TGM2: variants seen among roughly 807,000 people sequenced by gnomAD.
The protein encoded by TGM2 is protein-glutamine gamma-glutamyltransferase 2.
A neutral mutation model predicts 75.6 loss-of-function variants in TGM2; 53 were observed. The observed-to-expected ratio is 0.70, with a 90% CI of 0.56 to 0.88. TGM2 has a LOEUF of 0.88. Ranked by LOEUF, TGM2 falls within the 40% of genes least tolerant of loss-of-function variation. The pLI is 0.00. For synonymous variants in TGM2, 374 were observed against 381.1 expected, an observed-to-expected ratio of 0.98 and a Z score of 0.22; for missense variants, 842 against 928.5, an observed-to-expected ratio of 0.91 and a Z score of 1.21.
At chr20:38,166,202 GTCTAATCAGCCATCCA>G (rs921839525), upstream of TGM2, among the ~76,000 whole-genome samples, 13 of 142,500 alleles carry the variant, frequency 9.1e-5, no homozygotes, top group South Asian at 2.3e-4. Flanking sequence ...CCTTGTATCT[GTCTAATCAGCCATCCA>G]TCTAATCAGC....
chr20:38,141,860 G>A (rs1209246327), intron 7 of TGM2, among the ~76,000 whole-genome samples: 2 of 151,822 alleles, frequency 1.3e-5, no homozygotes, highest in Non-Finnish European at 2.9e-5. Flanking sequence ...CCAGACTCCC[G>A]ACAACATTTG....
chr20:38,148,249 T>A (rs1367206746), intron 4 of TGM2, among the ~76,000 whole-genome samples, 160 bp from the exon 5 acceptor site: 1 of 152,198 alleles, frequency 6.6e-6, no homozygotes, highest in Admixed American at 6.5e-5. Flanking sequence ...GCAGCTTCTC[T>A]TGGCACAGGA....
intron 10 of TGM2, among the ~76,000 whole-genome samples, chr20:38,135,215 C>T (rs1018836945): frequency 2.6e-5 from 4 of 152,188 alleles, no homozygotes; most frequent in African/African-American, 9.6e-5. Flanking sequence ...CTGGCCCAGG[C>T]CTGGAGTTCA....
intron 3 of TGM2, 106 bp from the exon 4 acceptor site, chr20:38,151,163 A>G (rs1405615461): frequency 3.7e-6 from 3 of 801,966 alleles, no homozygotes; most frequent in East Asian, 2.4e-5. Context: ...CCAGCGTCTC[A>G]GGGATCCATC....
At chr20:38,141,807 C>A (rs1423347305) in intron 7 of TGM2, among the ~76,000 whole-genome samples, 1 of 151,498 alleles carries the variant, frequency 6.6e-6, no homozygotes, top group Non-Finnish European at 1.5e-5. Flanking sequence ...GAGTGACAAC[C>A]TATTGCTTTT....
upstream of TGM2, chr20:38,165,431 A>C (rs1440055259): frequency 3.3e-6 from 2 of 603,582 alleles, no homozygotes; most frequent in East Asian, 6.0e-5. Context: ...CGAGGGAGGG[A>C]CGGCGGCCGG....
intron 6 of TGM2, among the ~76,000 whole-genome samples, chr20:38,144,438 CGGCAAACGTCGTCCATCA>C (rs2075019117): frequency 6.6e-6 from 1 of 152,158 alleles, no homozygotes; most frequent in Non-Finnish European, 1.5e-5. Flanking sequence ...GTGCCCGTTA[CGGCAAACGTCGTCCATCA>C]GTGCTGGCTG....
intron 1 of TGM2, among the ~76,000 whole-genome samples, chr20:38,162,826 G>T (rs1449160797): frequency 6.6e-6 from 1 of 152,142 alleles, no homozygotes; most frequent in Admixed American, 6.5e-5. Flanking sequence ...GTCAGTGCTG[G>T]GTGATGAGGA....
At chr20:38,152,373 G>C (rs1374442500) in intron 3 of TGM2, among the ~76,000 whole-genome samples, 1 of 152,186 alleles carries the variant, frequency 6.6e-6, no homozygotes, top group Non-Finnish European at 1.5e-5. Flanking sequence ...TGTGTATTCT[G>C]ATCTTTGGCT....
intron 10 of TGM2, among the ~76,000 whole-genome samples, chr20:38,134,442 T>C (rs1280618081): frequency 6.6e-6 from 1 of 152,122 alleles, no homozygotes; most frequent in African/African-American, 2.4e-5. Flanking sequence ...CTCCGGGGGC[T>C]TGGAGGATGT....
intron 10 of TGM2, among the ~76,000 whole-genome samples, chr20:38,137,565 A>G (rs774925725): frequency 1.3e-5 from 2 of 152,230 alleles, no homozygotes; most frequent in Non-Finnish European, 2.9e-5. Context: ...CATGCTGGAT[A>G]GGCGGTGCAG....
At chr20:38,153,698 C>G (rs144545317) in intron 3 of TGM2, among the ~76,000 whole-genome samples, 7 of 152,082 alleles carry the variant, frequency 4.6e-5, no homozygotes, top group African/African-American at 1.7e-4. Flanking sequence ...AGCAATTTCT[C>G]CAGGCACATA....
In TGM2 at chr20:38,131,181, G is replaced by C; in HGVS notation, c.1825C>G (p.Leu609Val). 6.2e-7 allele frequency: 1 copy of C among 1,613,938 alleles called. No individual in the cohort carries two copies. The highest frequency in any genetic ancestry group is 8.5e-7 in the Non-Finnish European group (1 of 1,180,028). The change falls in exon 12 of 13, where the codon CTG becomes GTG. Residue 609 changes from leucine (L) to valine (V), a missense_variant. Coordinates refer to ENST00000361475, the MANE Select transcript of TGM2 (RefSeq NM_004613.4). ...QKRKLVAEVSLQNPLPVALEG... is the reference protein window; with the variant it reads ...QKRKLVAEVSVQNPLPVALEG... ...AGGGCCACAGGGAGCGGGTTCTGCA[G>C]GGACACCTCAGCCACCAGCTTGCGT...
intron 2 of TGM2, among the ~76,000 whole-genome samples, chr20:38,158,675 G>A (rs1480591705): frequency 6.6e-6 from 1 of 152,216 alleles, no homozygotes; most frequent in East Asian, 1.9e-4. Context: ...AGTCTGTCGG[G>A]TCTCAAACTG....
Position 38,127,413 on chromosome 20 carries a change from T to C in TGM2, c.*2806A>G, listed in dbSNP as rs1024304169. On this transcript the variant is annotated 3_prime_UTR_variant, in exon 13 of 13. Coordinates refer to ENST00000361475, the MANE Select transcript of TGM2 (RefSeq NM_004613.4). ...GATGTCATGTTTTTATTTTGATTTA[T>C]TTTTTATGTGCATGTCATGTCTTTC... 1 of 977,826 alleles carries C rather than the reference T, an allele frequency of 1.0e-6. No individual in the cohort carries two copies. Among genetic ancestry groups the C allele is most frequent in the Non-Finnish European group, 1.2e-6 (1 of 822,988 alleles). 60.6% of individuals were successfully genotyped at this position (977,826 alleles called of 1,614,324 possible).
At chr20:38,135,912 TCAGG>T (rs1420657488) in intron 10 of TGM2, among the ~76,000 whole-genome samples, 1 of 152,122 alleles carries the variant, frequency 6.6e-6, no homozygotes, top group Non-Finnish European at 1.5e-5. Context: ...TGCGGGCGCA[TCAGG>T]CAGGCATGTC....
chr20:38,131,078 G>T lies in TGM2; in HGVS notation c.1913+15C>A, dbSNP rs1438805103. 6.2e-7 allele frequency: 1 copy of T among 1,610,986 alleles called. No homozygotes were observed. Among genetic ancestry groups the T allele is most frequent in the Non-Finnish European group, 8.5e-7 (1 of 1,179,868 alleles). The stretch of plus-strand genomic sequence containing the variant: ...GCTTCCCCCAGGCCCCAAAGCTAGA[G>T]CAGCCAGCACTTACATCTCCACCGT... On this transcript the variant is annotated intron_variant, in intron 12 of 12. Coordinates refer to ENST00000361475, the MANE Select transcript of TGM2 (RefSeq NM_004613.4).
chr20:38,140,751 T>C (rs1369634687), intron 8 of TGM2, among the ~76,000 whole-genome samples: 1 of 152,260 alleles, frequency 6.6e-6, no homozygotes, highest in Non-Finnish European at 1.5e-5. Flanking sequence ...ATTCATTTTT[T>C]AAAACTTGTG....
At position 38,138,258 on chromosome 20, in the gene TGM2, G is replaced by A. The variant is rs2074925124; in HGVS notation, c.1470C>T (p.Asp490=). Residue 490 remains aspartate (D), a synonymous_variant, in exon 10 of 13, where the codon GAC becomes GAT. Transcript: ENST00000361475. ...GQSMNMGSDF[D]VFAHITNNTA... The stretch of plus-strand genomic sequence containing the variant: ...TGTTGTTGGTGATGTGGGCAAAGAC[G>A]TCAAAGTCACTGCCCATGTTCATGC... 2 of 1,613,926 alleles carry A rather than the reference G, an allele frequency of 1.2e-6. No homozygotes were observed. Among genetic ancestry groups the A allele is most frequent in the Non-Finnish European group, 1.7e-6 (2 of 1,179,906 alleles).
Sources: gnomAD v4.1 joint callset for allele counts (sites outside exome capture counted in the v4.1 genomes callset) on GRCh38, gnomAD v4.1.1 for gene constraint, MANE v1.5 for transcripts, NCBI Gene and HGNC (gene_info 2026-07-23, HGNC 2026-07-21) for gene names.